Variants in SP4 observed in about 807,000 individuals in gnomAD.
SP4 encodes transcription factor Sp4.
Under a neutral mutation model 72.8 loss-of-function variants are expected in SP4, and 19 were observed. The ratio of observed to expected loss-of-function variants is 0.26; its 90% CI spans 0.18 to 0.38. The LOEUF is 0.38. Ranked by LOEUF, SP4 falls within the 10% of genes least tolerant of loss-of-function variation. The pLI, the probability that SP4 is intolerant of heterozygous loss-of-function variation, is 1.00. For synonymous variants in SP4, 395 were observed against 333.1 expected, an observed-to-expected ratio of 1.19 and a Z score of -2.02; for missense variants, 1,008 against 926.3, an observed-to-expected ratio of 1.09 and a Z score of -1.14.
At chr7:21,477,415 G>A in intron 4 of SP4, 108 bp downstream of exon 4, 1 of 684,102 alleles carries the variant, frequency 1.5e-6, no homozygotes, top group Non-Finnish European at 2.6e-6. Context: ...TACCTTTGTA[G>A]CCTAGAAGTT....
intron 3 of SP4, among the ~76,000 whole-genome samples, chr7:21,475,291 T>C (rs1400430368): frequency 1.3e-5 from 2 of 151,960 alleles, no homozygotes; most frequent in East Asian, 3.9e-4. Flanking sequence ...ATTTTTTGTA[T>C]TTTTAATAGA....
Position 21,428,183 on chromosome 7 carries a change from G to GCCCCCCCCCCCCCCCCC in SP4, c.-67_-66insCCCCCCCCCCCCCCCCC. The GCCCCCCCCCCCCCCCCC allele has an allele frequency of 1.1e-5, 4 of 370,468 alleles. No individual in the cohort carries two copies. Among genetic ancestry groups the GCCCCCCCCCCCCCCCCC allele is most frequent in the Admixed American group, 3.9e-5 (1 of 25,590 alleles). 22.9% of individuals were successfully genotyped at this position (370,468 alleles called of 1,614,324 possible). A position where few individuals can be genotyped will look rare whatever the true frequency, so the allele number is the denominator to read the frequency against. On this transcript the variant is annotated 5_prime_UTR_variant, in exon 1 of 6. Coordinates refer to ENST00000222584, the MANE Select transcript of SP4 (RefSeq NM_003112.5). ...GCGGGCGGGACCGGCCTCTCCTCCC[G>GCCCCCCCCCCCCCCCCC]CCTCGCCCCCACCCCCACCCACCTC...
chr7:21,459,857 T>C (rs1217288336), intron 3 of SP4, among the ~76,000 whole-genome samples: 2 of 152,244 alleles, frequency 1.3e-5, no homozygotes, highest in East Asian at 3.8e-4. Context: ...GGCTAAGTTC[T>C]GAGAGCATAA....
intron 5 of SP4, among the ~76,000 whole-genome samples, chr7:21,498,129 TG>T (rs1440341209): frequency 2.0e-5 from 3 of 152,172 alleles, no homozygotes; most frequent in African/African-American, 7.2e-5. Context: ...CCTCCTTATA[TG>T]TGGATTCCTC....
intron 3 of SP4, among the ~76,000 whole-genome samples, chr7:21,475,410 G>A (rs1784470121): frequency 6.6e-6 from 1 of 151,860 alleles, no homozygotes; most frequent in South Asian, 2.1e-4. Flanking sequence ...CACCACGCCT[G>A]GCCTGAAAGA....
chr7:21,467,978 T>A (rs1053784404), intron 3 of SP4, among the ~76,000 whole-genome samples: 1 of 152,150 alleles, frequency 6.6e-6, no homozygotes, highest in Admixed American at 6.5e-5. Flanking sequence ...TTGGTGAGTT[T>A]ATTTATAGGT....
At chr7:21,469,939 A>C (rs1382642473) in intron 3 of SP4, among the ~76,000 whole-genome samples, 1 of 152,166 alleles carries the variant, frequency 6.6e-6, no homozygotes, top group Non-Finnish European at 1.5e-5. Flanking sequence ...TCATAGGAGA[A>C]ATCTGATACC....
intron 3 of SP4, among the ~76,000 whole-genome samples, chr7:21,438,467 T>A (rs992274195): frequency 6.6e-6 from 1 of 152,302 alleles, no homozygotes; most frequent in South Asian, 2.1e-4. Flanking sequence ...ATTCATAAAT[T>A]AATATATTTC....
At chr7:21,447,781 T>G (rs1783473792) in intron 3 of SP4, among the ~76,000 whole-genome samples, 1 of 152,188 alleles carries the variant, frequency 6.6e-6, no homozygotes, top group African/African-American at 2.4e-5. Context: ...CCTCCCAGGT[T>G]CAAGCGATTC....
At chr7:21,438,081 C>T in intron 3 of SP4, among the ~76,000 whole-genome samples, 1 of 150,242 alleles carries the variant, frequency 6.7e-6, no homozygotes, top group Non-Finnish European at 1.5e-5. Context: ...CACACAAAGA[C>T]AGACTAGAGT....
chr7:21,443,987 G>A (rs2237303), intron 3 of SP4, among the ~76,000 whole-genome samples: 106,520 of 152,126 alleles, frequency 0.7, 37,750 homozygotes, highest in African/African-American at 0.82. Context: ...AAGTTAAAGC[G>A]TATTTTTATT....
At chr7:21,446,446 T>A (rs1053026981) in intron 3 of SP4, among the ~76,000 whole-genome samples, 137 of 147,012 alleles carry the variant, frequency 9.3e-4, no homozygotes, top group Middle Eastern at 3.4e-3. Flanking sequence ...ATGACATATT[T>A]AAAAAAAAAA....
rs1170695847 is a variant in SP4, at chr7:21,511,495, A to C, written c.*226A>C. The C allele has an allele frequency of 2.1e-6, 1 of 485,548 alleles. No individual in the cohort carries two copies. 30.1% of individuals were successfully genotyped at this position (485,548 alleles called of 1,614,324 possible). On this transcript the variant is annotated 3_prime_UTR_variant, in exon 6 of 6. Coordinates refer to ENST00000222584, the MANE Select transcript of SP4 (RefSeq NM_003112.5). ...AGAAAAGTATTTCCTCCATACTATA[A>C]GTTGTAGTTGTTTGGAAATATATCA...
At chr7:21,491,534 GTAT>G (rs1172327395) in intron 5 of SP4, among the ~76,000 whole-genome samples, 1 of 152,092 alleles carries the variant, frequency 6.6e-6, no homozygotes, top group African/African-American at 2.4e-5. Context: ...CCCATGTTAG[GTAT>G]AATAGGTTCA....
intron 3 of SP4, among the ~76,000 whole-genome samples, chr7:21,456,800 GA>G (rs1229710834): frequency 6.6e-6 from 1 of 152,200 alleles, no homozygotes; most frequent in African/African-American, 2.4e-5. Flanking sequence ...ATATGTCTGG[GA>G]TTTCCTCTGC....
In SP4 at chr7:21,428,153, C is replaced by T. The variant is rs958051506; in HGVS notation, c.-99C>T. ...CCAGCTACAGCCTCCTCCGAGCCAC[C>T]GCGGGCGGGCGGGACCGGCCTCTCC... On this transcript the variant is annotated 5_prime_UTR_variant, in exon 1 of 6. Coordinates refer to ENST00000222584, the MANE Select transcript of SP4 (RefSeq NM_003112.5). 4.0e-6 allele frequency: 3 copies of T among 749,080 alleles called. No individual in the cohort carries two copies. The allele number at this position is 749,080 out of a possible 1,614,324, so 46.4% of individuals were successfully genotyped here.
In SP4 at chr7:21,428,163, C is replaced by T. The variant is rs1262466413; in HGVS notation, c.-89C>T. 5.2e-6 allele frequency: 4 copies of T among 766,184 alleles called. No homozygotes were observed. Among genetic ancestry groups the T allele is most frequent in the Non-Finnish European group, 7.0e-6 (3 of 429,522 alleles). 47.5% of individuals were successfully genotyped at this position (766,184 alleles called of 1,614,324 possible). ...CCTCCTCCGAGCCACCGCGGGCGGGCGGGACCGGCCTCTCCTCCCGCCTCG... is the reference window on the plus strand; with the variant it reads ...CCTCCTCCGAGCCACCGCGGGCGGGTGGGACCGGCCTCTCCTCCCGCCTCG... On this transcript the variant is annotated 5_prime_UTR_variant, in exon 1 of 6. Coordinates refer to ENST00000222584, the MANE Select transcript of SP4 (RefSeq NM_003112.5).
intron 3 of SP4, among the ~76,000 whole-genome samples, chr7:21,470,782 A>G (rs980972065): frequency 1.9e-4 from 29 of 151,752 alleles, no homozygotes; most frequent in Non-Finnish European, 3.1e-4. Flanking sequence ...AGAACAAAAA[A>G]GGAATAAGAA....
intron 3 of SP4, among the ~76,000 whole-genome samples, chr7:21,440,162 C>A (rs1286985623): frequency 1.3e-5 from 2 of 152,164 alleles, no homozygotes; most frequent in African/African-American, 4.8e-5. Context: ...ACTCCCCGCC[C>A]CCACCAATTA....
Sources: gnomAD v4.1 joint callset for allele counts (sites outside exome capture counted in the v4.1 genomes callset) on GRCh38, gnomAD v4.1.1 for gene constraint, MANE v1.5 for transcripts, NCBI Gene and HGNC (gene_info 2026-07-23, HGNC 2026-07-21) for gene names.